CPD: variants seen among roughly 807,000 people sequenced by gnomAD.
CPD encodes the protein metallocarboxypeptidase D.
CPD carries 69 observed loss-of-function variants against 138.3 expected under a neutral mutation model. The observed-to-expected ratio is 0.50, with a 90% CI of 0.41 to 0.61. CPD has a LOEUF of 0.61. Ranked by LOEUF, CPD falls within the 20% of genes least tolerant of loss-of-function variation. The pLI, the probability that CPD is intolerant of heterozygous loss-of-function variation, is 0.00. For synonymous variants in CPD, 651 were observed against 642.1 expected (o/e 1.01, Z -0.21); for missense variants, 1,432 against 1,733.3 (o/e 0.83, Z 3.09).
chr17:30,422,357 T>G (rs1221656673), intron 4 of CPD, among the ~76,000 whole-genome samples: 1 of 152,218 alleles, frequency 6.6e-6, no homozygotes, highest in African/African-American at 2.4e-5. Context: ...ATCCCTTCTT[T>G]GAGTACTGTA....
At chr17:30,431,278 C>T (rs1403070780) in intron 7 of CPD, among the ~76,000 whole-genome samples, 1 of 152,106 alleles carries the variant, frequency 6.6e-6, no homozygotes. Context: ...GGAGAAATAT[C>T]TGTTCAAGTC....
intron 2 of CPD, among the ~76,000 whole-genome samples, chr17:30,386,281 A>C (rs1911183985): frequency 6.6e-6 from 1 of 152,012 alleles, no homozygotes; most frequent in Non-Finnish European, 1.5e-5. Context: ...CTCTTACCTC[A>C]AACTCCCAAA....
chr17:30,388,363 A>G (rs986636433), intron 2 of CPD, among the ~76,000 whole-genome samples: 3 of 152,028 alleles, frequency 2.0e-5, no homozygotes, highest in East Asian at 3.9e-4. Flanking sequence ...GCTGCTTTCC[A>G]TGGCACCCCG....
chr17:30,443,958 G>T lies in CPD; in HGVS notation c.2530G>T (p.Ala844Ser). ...LLVPGTYKITASARGYNPVTK... is the reference protein window; with the variant it reads ...LLVPGTYKITSSARGYNPVTK... ...GGTTCCAGGAACTTATAAAATCACA[G>T]CATCTGCTCGAGGGTGAGTGACTGA... Residue 844 changes from alanine to serine, a missense_variant, in exon 11 of 21, where the codon GCA becomes TCA. Ala to Ser is a moderately conservative substitution (Grantham distance 99, BLOSUM62 1). Around this residue, in one of 6 missense-constraint regions of CPD, gnomAD observed 297 missense variants for 405.3 expected, o/e 0.73. Transcript: ENST00000225719. 3.1e-6 allele frequency: 5 copies of T among 1,613,792 alleles called. No homozygotes were observed. Among genetic ancestry groups the T allele is most frequent in the Non-Finnish European group, 4.2e-6 (5 of 1,179,814 alleles).
intron 1 of CPD, chr17:30,380,743 C>T (rs1911019196): frequency 1.7e-5 from 13 of 776,352 alleles, no homozygotes; most frequent in Non-Finnish European, 2.6e-5. Flanking sequence ...AGAGGTAGAG[C>T]TTGAGCTATC....
chr17:30,397,419 A>G (rs1911536582), intron 2 of CPD, among the ~76,000 whole-genome samples: 1 of 152,134 alleles, frequency 6.6e-6, no homozygotes, highest in African/African-American at 2.4e-5. Flanking sequence ...AGTAGAATGG[A>G]AAAAAAGTTC....
intron 4 of CPD, 33 bp from the exon 5 acceptor site, chr17:30,422,641 T>C (rs1186394326): frequency 1.4e-6 from 2 of 1,439,128 alleles, no homozygotes; most frequent in Non-Finnish European, 1.9e-6. Flanking sequence ...GTCTTAACTA[T>C]AAACCATTTA....
intron 11 of CPD, 53 bp downstream of exon 11, chr17:30,444,024 A>G (rs973766764): frequency 5.7e-6 from 9 of 1,573,006 alleles, no homozygotes; most frequent in Non-Finnish European, 7.8e-6. Context: ...ACATGGCTCC[A>G]TTCTGGAGGA....
Position 30,464,810 on chromosome 17 carries a change from A to G in CPD, c.4139A>G (p.His1380Arg). ...TEEETLYSSK[H>R] is the part of the protein sequence containing the mutation. ...GAGGAAACATTATATTCTAGCAAAC[A>G]TTGAAAAACACATTTTGCATATCTC... Residue 1380 changes from histidine to arginine, a missense_variant, in exon 21 of 21, where the codon CAT becomes CGT. By Grantham distance (29) the His-to-Arg change is conservative. Coordinates refer to ENST00000225719, the MANE Select transcript of CPD (RefSeq NM_001304.5). 6.2e-7 allele frequency: 1 copy of G among 1,612,774 alleles called. No individual in the cohort carries two copies. Among genetic ancestry groups the G allele is most frequent in the Non-Finnish European group, 8.5e-7 (1 of 1,178,958 alleles).
intron 18 of CPD, 113 bp from the exon 19 acceptor site, chr17:30,461,764 G>A: frequency 1.3e-6 from 1 of 794,108 alleles, no homozygotes; most frequent in East Asian, 2.5e-5. Flanking sequence ...TTGTTTGTGT[G>A]TGGTTTTTGT....
chr17:30,465,046 C>A lies in CPD; in HGVS notation c.*232C>A, dbSNP rs969299152. On this transcript the variant is annotated 3_prime_UTR_variant, in exon 21 of 21. Coordinates refer to ENST00000225719, the MANE Select transcript of CPD (RefSeq NM_001304.5). ...GATTTATGCAGCAGAGATGGGACAG[C>A]CACTTTTTCTTTTTAATTTAAGATG... The A allele has an allele frequency of 6.4e-6, 3 of 465,586 alleles. No homozygotes were observed. Among genetic ancestry groups the A allele is most frequent in the East Asian group, 7.5e-5 (2 of 26,664 alleles). 28.8% of individuals were successfully genotyped at this position (465,586 alleles called of 1,614,324 possible).
In CPD at chr17:30,439,072, T is replaced by G. The variant is rs756735266; in HGVS notation, c.2225T>G (p.Val742Gly). The change falls in exon 9 of 21, where the codon GTG (valine) becomes GGG (glycine). Residue 742 changes from valine to glycine, a missense_variant. Physicochemically the swap from Val to Gly is moderately radical, Grantham distance 109. Coordinates refer to ENST00000225719, the MANE Select transcript of CPD (RefSeq NM_001304.5). ...GITNGASWYN[V>G]PGGMQDWNYL... The stretch of plus-strand genomic sequence containing the variant: ...ACAAATGGAGCTAGTTGGTATAATG[T>G]GCCAGGTAAAGATTCTTTTATATCA... 6.3e-7 allele frequency: 1 copy of G among 1,575,260 alleles called. No homozygotes were observed. Among genetic ancestry groups the G allele is most frequent in the East Asian group, 2.3e-5 (1 of 43,030 alleles).
At chr17:30,398,473 A>G (rs961696548) in intron 2 of CPD, among the ~76,000 whole-genome samples, 27 of 152,194 alleles carry the variant, frequency 1.8e-4, no homozygotes, top group Non-Finnish European at 1.9e-4. Context: ...TGACATATCA[A>G]CTTAAAAAGA....
chr17:30,428,504 C>T (rs1004698796), intron 7 of CPD, among the ~76,000 whole-genome samples: 1 of 152,118 alleles, frequency 6.6e-6, no homozygotes, highest in Non-Finnish European at 1.5e-5. Flanking sequence ...TATTATTTGG[C>T]TCGAAAAGGA....
chr17:30,385,395 A>G, intron 2 of CPD, 159 bp downstream of exon 2: 6 of 798,548 alleles, frequency 7.5e-6, no homozygotes, highest in East Asian at 3.0e-5. Flanking sequence ...TTGAAGGACT[A>G]CATGAAGACC....
In CPD at chr17:30,469,194, C is replaced by T. The variant is rs1046360186; in HGVS notation, c.*4380C>T. 9 of 152,142 alleles carry T rather than the reference C, an allele frequency of 5.9e-5. No homozygotes were observed. Among genetic ancestry groups the T allele is most frequent in the Non-Finnish European group, 1.3e-4 (9 of 68,014 alleles). 9.4% of individuals were successfully genotyped at this position (152,142 alleles called of 1,614,324 possible). A position where few individuals can be genotyped will look rare whatever the true frequency, so the allele number is the denominator to read the frequency against. The stretch of plus-strand genomic sequence containing the variant: ...AAACAGACTCTGCTGATAAAGTACT[C>T]ATAGTCCAGACCAGAGAAATATAAA... On this transcript the variant is annotated 3_prime_UTR_variant, in exon 21 of 21. Transcript: ENST00000225719.
chr17:30,464,547 T>G, intron 20 of CPD, 41 bp from the exon 21 acceptor site: 1 of 1,536,056 alleles, frequency 6.5e-7, no homozygotes, highest in South Asian at 1.1e-5. Flanking sequence ...TTAATATCCT[T>G]AAAGTATAAT....
intron 6 of CPD, among the ~76,000 whole-genome samples, chr17:30,425,115 T>C (rs1417701604): frequency 8.4e-6 from 1 of 118,864 alleles, no homozygotes; most frequent in Non-Finnish European, 1.9e-5. Context: ...CCTCCAGTTT[T>C]CTTTAGTCTC....
intron 14 of CPD, chr17:30,454,042 G>T (rs550030817): frequency 7.9e-5 from 12 of 152,314 alleles, no homozygotes; most frequent in African/African-American, 2.9e-4. Context: ...TTTGATGGGA[G>T]GGGCTGCCGA....
Sources: allele counts gnomAD v4.1 joint callset (sites outside exome capture counted in the v4.1 genomes callset), GRCh38; gene constraint gnomAD v4.1.1; regional missense constraint gnomAD v4.1.1; transcripts MANE v1.5; gene names NCBI Gene and HGNC (gene_info 2026-07-23, HGNC 2026-07-21).